Variants in DIAPH2 observed in about 807,000 individuals in gnomAD.
DIAPH2 encodes diaphanous related formin 2.
Under a neutral mutation model 92.7 loss-of-function variants are expected in DIAPH2, and 35 were observed. That is an observed-to-expected ratio of 0.38 (90% CI 0.29 to 0.50). DIAPH2 has a LOEUF of 0.50. DIAPH2 is among the 20% of genes least tolerant of loss of function. The pLI is 0.94. For missense variants in DIAPH2, 701 were observed against 819.5 expected (o/e 0.86, Z 1.77); for synonymous variants, 301 against 280.4 (o/e 1.07, Z -0.73).
chrX:97,448,761 G>A lies in DIAPH2; in HGVS notation c.3241+19016G>A, dbSNP rs919684078. On this transcript the variant is annotated intron_variant, in intron 26 of 26. Coordinates refer to ENST00000324765, the MANE Select transcript of DIAPH2 (RefSeq NM_006729.5). ...GTGAATCTTACTAATGCCAGCACTA[G>A]TTATAATTCATGATTAGCACTGGGG... is the stretch of plus-strand genomic sequence containing the variant. Among the ~76,000 whole-genome samples, 3 of 112,073 alleles carry A rather than the reference G, an allele frequency of 2.7e-5. No homozygotes were observed. The Admixed American group carries it at 2.8e-4, about 11-fold the overall frequency.
chrX:97,139,767 A>G (rs2067197652), intron 21 of DIAPH2, among the ~76,000 whole-genome samples: 1 of 111,333 alleles, frequency 9.0e-6, no homozygotes, highest in African/African-American at 3.3e-5. Flanking sequence ...TAATAAATAC[A>G]ATTTTTGAAA....
At chrX:97,517,875 C>A (rs748157362) in intron 26 of DIAPH2, among the ~76,000 whole-genome samples, 2 of 112,444 alleles carry the variant, frequency 1.8e-5, no homozygotes, top group South Asian at 7.4e-4. Context: ...AAGCCAAACG[C>A]TGAGTTAAAC....
intron 22 of DIAPH2, among the ~76,000 whole-genome samples, chrX:97,231,275 A>G (rs1442895852): frequency 2.1e-5 from 2 of 94,933 alleles, no homozygotes; most frequent in African/African-American, 7.9e-5. Flanking sequence ...ATTACTCTTG[A>G]AAGGGTTCTT....
chrX:96,797,938 T>C (rs187740660), intron 4 of DIAPH2, among the ~76,000 whole-genome samples: 5 of 112,918 alleles, frequency 4.4e-5, no homozygotes, highest in Middle Eastern at 9.2e-3. Flanking sequence ...GCTCTCTGTA[T>C]CTGCATCTGT....
intron 9 of DIAPH2, among the ~76,000 whole-genome samples, chrX:96,929,719 A>G (rs1195022565): frequency 9.0e-6 from 1 of 111,371 alleles, no homozygotes; most frequent in Admixed American, 9.6e-5. Flanking sequence ...GTCTGCTTCT[A>G]TAAATACTTA....
intron 22 of DIAPH2, among the ~76,000 whole-genome samples, chrX:97,164,635 A>G (rs1460749337): frequency 8.9e-6 from 1 of 112,400 alleles, no homozygotes; most frequent in Non-Finnish European, 1.9e-5. Context: ...ATGTATACCT[A>G]TTATCAGCTT....
At chrX:97,444,081 G>A (rs766631830) in intron 26 of DIAPH2, among the ~76,000 whole-genome samples, 2 of 111,605 alleles carry the variant, frequency 1.8e-5, no homozygotes, top group South Asian at 7.5e-4. Flanking sequence ...CTCGTTTAAG[G>A]GTTTTATTCA....
At chrX:97,325,878 AATGTTATTTTAGGT>A (rs1354150341) in intron 23 of DIAPH2, among the ~76,000 whole-genome samples, 3 of 112,150 alleles carry the variant, frequency 2.7e-5, no homozygotes, top group Non-Finnish European at 3.8e-5. Flanking sequence ...CGCCCGGCCT[AATGTTATTTTAGGT>A]ATTTTAGGTG....
rs1466592782 is a variant in DIAPH2 at position 96,858,298 on chromosome X, G to A, written c.448-23281G>A. On this transcript the variant is annotated intron_variant, in intron 4 of 26. Transcript: ENST00000324765. ...GAACACTGATGTAGTGGCCAGTGGT[G>A]ACAATAAAGTAAATTGACAACCATG... Among the ~76,000 whole-genome samples the A allele has an allele frequency of 2.7e-5, 3 of 111,889 alleles. No individual in the cohort carries two copies. In the East Asian group the frequency reaches 8.4e-4, roughly 31 times the overall value.
intron 21 of DIAPH2, among the ~76,000 whole-genome samples, chrX:97,117,777 A>G (rs1469187275): frequency 8.9e-6 from 1 of 112,039 alleles, no homozygotes; most frequent in Non-Finnish European, 1.9e-5. Flanking sequence ...TGTAATTACT[A>G]CCTTCACCAC....
chrX:97,371,398 C>T (rs1288670965), intron 24 of DIAPH2, among the ~76,000 whole-genome samples: 2 of 111,268 alleles, frequency 1.8e-5, no homozygotes, highest in Non-Finnish European at 3.8e-5. Context: ...ACAAGCTACA[C>T]CTCCATGAAA....
chrX:96,968,837 T>G (rs1047667076), intron 17 of DIAPH2, among the ~76,000 whole-genome samples: 2 of 112,468 alleles, frequency 1.8e-5, no homozygotes, highest in African/African-American at 6.5e-5. Flanking sequence ...CTAGGTTTTC[T>G]TATAGGATTT....
In DIAPH2 at chrX:96,750,815, C is replaced by A. The variant is rs1019929879; in HGVS notation, c.343-7339C>A. On this transcript the variant is annotated intron_variant, in intron 3 of 26. Coordinates refer to ENST00000324765, the MANE Select transcript of DIAPH2 (RefSeq NM_006729.5). ...AGCAAATTTTCAGTAATGATCTATA[C>A]GTGTCTTCTGATACGTCAGTATTTG... 3.2e-4 allele frequency among the ~76,000 whole-genome samples: 36 copies of A among 112,544 alleles called. 2 individuals are homozygous for A. The highest frequency in any genetic ancestry group is 3.8e-5 in the Non-Finnish European group (2 of 53,324).
At chrX:97,232,998 C>T (rs7063923) in intron 22 of DIAPH2, among the ~76,000 whole-genome samples, 1,841 of 112,282 alleles carry the variant, frequency 0.016, 40 homozygotes, top group African/African-American at 0.057. Flanking sequence ...TTTCTTCCTA[C>T]TAACTCTTCA....
intron 4 of DIAPH2, among the ~76,000 whole-genome samples, chrX:96,832,533 T>C (rs1053663330): frequency 2.0e-4 from 22 of 111,462 alleles, no homozygotes; most frequent in Admixed American, 5.8e-4. Flanking sequence ...GAGAGGATTG[T>C]GTGGTAGAAA....
intron 26 of DIAPH2, among the ~76,000 whole-genome samples, chrX:97,574,756 G>A (rs1169372282): frequency 4.5e-5 from 5 of 112,216 alleles, no homozygotes; most frequent in African/African-American, 6.5e-5. Flanking sequence ...TAATTAGTTC[G>A]ATTATTTTAC....
At chrX:97,121,087 A>G (rs2067054720) in intron 21 of DIAPH2, among the ~76,000 whole-genome samples, 1 of 112,242 alleles carries the variant, frequency 8.9e-6, no homozygotes, top group Non-Finnish European at 1.9e-5. Context: ...AATGTGGACT[A>G]TGTCCATATA....
intron 22 of DIAPH2, among the ~76,000 whole-genome samples, chrX:97,224,008 C>T (rs181995617): frequency 1.2e-4 from 13 of 111,445 alleles, no homozygotes; most frequent in African/African-American, 3.6e-4. Context: ...CCAAATTAGA[C>T]CCTTATTAAC....
intron 4 of DIAPH2, among the ~76,000 whole-genome samples, chrX:96,796,792 A>G (rs981002035): frequency 5.4e-5 from 6 of 111,724 alleles, no homozygotes; most frequent in Non-Finnish European, 1.1e-4. Flanking sequence ...ACCATACATC[A>G]TATTAATTTT....
Sources: gnomAD v4.1 joint callset for allele counts (sites outside exome capture counted in the v4.1 genomes callset) on GRCh38, gnomAD v4.1.1 for gene constraint, MANE v1.5 for transcripts, NCBI Gene and HGNC (gene_info 2026-07-23, HGNC 2026-07-21) for gene names.